MMP10: variants seen among roughly 807,000 people sequenced by gnomAD.
The protein encoded by MMP10 is matrix metallopeptidase 10.
Under a neutral mutation model 49.1 loss-of-function variants are expected in MMP10, and 50 were observed. That is an observed-to-expected ratio of 1.02 (90% CI 0.81 to 1.29). The LOEUF is 1.29. Ranked by LOEUF, MMP10 falls within the 50% of genes most tolerant of loss-of-function variation. The pLI is 0.00. For missense variants in MMP10, 613 were observed against 563.8 expected (o/e 1.09, Z -0.88); for synonymous variants, 229 against 201.6 (o/e 1.14, Z -1.15).
chr11:102,772,873 G>T lies in MMP10; in HGVS notation c.1200C>A (p.Tyr400Ter), dbSNP rs147267769. The change falls in exon 8 of 10, where the codon TAC (tyrosine) becomes TAA (stop). Residue 400 changes from tyrosine to a stop codon, truncating the protein, a stop_gained. Transcript: ENST00000279441. LOFTEE classifies it high-confidence loss of function. The surrounding 1 kb of genome is among the most constrained non-coding windows in gnomAD (Gnocchi z 4.4). Reference sequence around the variant, plus strand: ...TCCAGTATTTGTCCGCTGCAAAGAAGTATGTTTTCTTCTTTTCCTTGTCAG... The same window carrying T: ...TCCAGTATTTGTCCGCTGCAAAGAATTATGTTTTCTTCTTTTCCTTGTCAG... ...AVSDKEKKKT[Y>*]FFAADKYWRF... 3.7e-3 allele frequency: 6,045 copies of T among 1,613,068 alleles called. 12 individuals carry two copies. Among genetic ancestry groups the T allele is most frequent in the Non-Finnish European group, 4.8e-3 (5,640 of 1,179,584 alleles).
At chr11:102,773,103 A>G (rs1239561946) in intron 7 of MMP10, 97 bp from the exon 8 acceptor site, 1 of 1,141,224 alleles carries the variant, frequency 8.8e-7, no homozygotes, top group Non-Finnish European at 1.2e-6. Context: ...GCTTGGTTTT[A>G]ATTCCAACCT....
rs146464600 is a variant in MMP10, at chr11:102,771,867, T to C, written c.1330+145A>G. The C allele has an allele frequency of 4.7e-6, 3 of 643,756 alleles. No individual in the cohort carries two copies. In the East Asian group the frequency reaches 8.4e-5, roughly 18 times the overall value. The allele number at this position is 643,756 out of a possible 1,614,324, so 39.9% of individuals were successfully genotyped here. Reference sequence around the variant, plus strand: ...CAAATTTAAACCCACTTTGCATAAATTGGAAAGTTAAGATTTTCAGGAATT... The same window carrying C: ...CAAATTTAAACCCACTTTGCATAAACTGGAAAGTTAAGATTTTCAGGAATT... On this transcript the variant is annotated intron_variant, in intron 9 of 9. Transcript: ENST00000279441.
chr11:102,776,589 C>T (rs1857741757), intron 5 of MMP10, 23 bp downstream of exon 5: 1 of 1,601,762 alleles, frequency 6.2e-7, no homozygotes, highest in East Asian at 2.2e-5. Flanking sequence ...TCTGCAATGC[C>T]TAATTTTTCC....
At position 102,780,601 on chromosome 11, in the gene MMP10, C is replaced by G. The variant is rs763299891; in HGVS notation, c.-10G>C. 13 of 1,612,012 alleles carry G rather than the reference C, an allele frequency of 8.1e-6. No homozygotes were observed. The Admixed American group carries it at 2.0e-4, about 25-fold the overall frequency. On this transcript the variant is annotated 5_prime_UTR_variant, in exon 1 of 10. Coordinates refer to ENST00000279441, the MANE Select transcript of MMP10 (RefSeq NM_002425.3). Reference sequence around the variant, plus strand: ...ATGCAAGATGCATCATTCTCACTGCCCTTACCTTCTTTGTCTACTGGGCTT... The same window carrying G: ...ATGCAAGATGCATCATTCTCACTGCGCTTACCTTCTTTGTCTACTGGGCTT...
chr11:102,779,591 C>T lies in MMP10; in HGVS notation c.260G>A (p.Arg87His), dbSNP rs780475167. The change falls in exon 2 of 10, where the codon CGC (arginine) becomes CAC (histidine). Residue 87 changes from arginine (R) to histidine (H), a missense_variant. Arg to His is a conservative substitution (Grantham distance 29, BLOSUM62 0). Transcript: ENST00000279441. ...GTCAGGAACTCCACACCTGGGCTTG[C>T]GCATCACCTCCAGAGTGTCAGTGTC... ...KLDTDTLEVMRKPRCGVPDVG... is the reference protein window; with the variant it reads ...KLDTDTLEVMHKPRCGVPDVG... The T allele has an allele frequency of 1.9e-5, 30 of 1,613,946 alleles. No homozygotes were observed. Among genetic ancestry groups the T allele is most frequent in the African/African-American group, 6.7e-5 (5 of 74,908 alleles).
At chr11:102,776,513 C>T in intron 5 of MMP10, 89 bp from the exon 6 acceptor site, 1 of 1,577,868 alleles carries the variant, frequency 6.3e-7, no homozygotes, top group Non-Finnish European at 8.6e-7. Flanking sequence ...TCTCAAAGTG[C>T]TTCAGGCCAA....
In MMP10 at chr11:102,775,221, C is replaced by G; in HGVS notation, c.1033G>C (p.Val345Leu). The change falls in exon 7 of 10, where the codon GTT becomes CTT. Residue 345 changes from valine (V) to leucine (L), a missense_variant. Coordinates refer to ENST00000279441, the MANE Select transcript of MMP10 (RefSeq NM_002425.3). ...ATAAAAACGGTGTCCCTGCTGTTAA[C>G]TTCATATGCAGCATCCAAATATGAT... ...LPSYLDAAYE[V>L]NSRDTVFIFK... The G allele has an allele frequency of 1.2e-6, 2 of 1,607,070 alleles. No homozygotes were observed. Among genetic ancestry groups the G allele is most frequent in the Non-Finnish European group, 1.7e-6 (2 of 1,176,322 alleles).
chr11:102,775,049 C>A, intron 7 of MMP10, 139 bp downstream of exon 7: 1 of 591,388 alleles, frequency 1.7e-6, no homozygotes, highest in Non-Finnish European at 2.6e-6. Context: ...TTATAATGTT[C>A]TTTGTACAAA....
Position 102,776,648 on chromosome 11 carries a change from A to T in MMP10, c.751T>A (p.Ser251Thr), listed in dbSNP as rs1048770539. ...TGAATGCCATTCACATCATCTTGCG[A>T]AAGGCGGAACTGGGCGAGCTCTGTG... ...SFTELAQFRL[S>T]QDDVNGIQSL... is the part of the protein sequence containing the mutation. Residue 251 changes from serine (S) to threonine (T), a missense_variant, in exon 5 of 10, where the codon TCG becomes ACG. Coordinates refer to ENST00000279441, the MANE Select transcript of MMP10 (RefSeq NM_002425.3). 1.2e-6 allele frequency: 2 copies of T among 1,613,572 alleles called. No individual in the cohort carries two copies. The highest frequency in any genetic ancestry group is 1.7e-6 in the Non-Finnish European group (2 of 1,179,880).
rs752882104 is a variant in MMP10, at chr11:102,776,794, A to G, written c.623-18T>C. ...ATTGGTGCCTGTATGAAAATCATAA[A>G]TGTTCAGAATTCACCAGCTCTTTCT... On this transcript the variant is annotated intron_variant, in intron 4 of 9. Coordinates refer to ENST00000279441, the MANE Select transcript of MMP10 (RefSeq NM_002425.3). 12 of 1,613,738 alleles carry G rather than the reference A, an allele frequency of 7.4e-6. No homozygotes were observed. Among genetic ancestry groups the G allele is most frequent in the Non-Finnish European group, 1.0e-5 (12 of 1,179,850 alleles).
rs1176456277 is a variant in MMP10, at chr11:102,772,657, G to A, written c.1226+190C>T. Among the ~76,000 whole-genome samples the A allele has an allele frequency of 6.6e-6, 1 of 152,132 alleles. No individual in the cohort carries two copies. Reference sequence around the variant, plus strand: ...GATGTCTTTTAGTGTCTGAGTATATGGCCCAGTGATCACCATTCTGAGAGG... The same window carrying A: ...GATGTCTTTTAGTGTCTGAGTATATAGCCCAGTGATCACCATTCTGAGAGG... On this transcript the variant is annotated intron_variant, in intron 8 of 9. Coordinates refer to ENST00000279441, the MANE Select transcript of MMP10 (RefSeq NM_002425.3). The surrounding 1 kb of genome is among the most constrained non-coding windows in gnomAD (Gnocchi z 4.4).
intron 1 of MMP10, 26 bp downstream of exon 1, chr11:102,780,461 C>G (rs754414057): frequency 5.0e-6 from 8 of 1,599,216 alleles, no homozygotes; most frequent in Non-Finnish European, 6.9e-6. Flanking sequence ...TGGCCAGTAG[C>G]TGCAATAGAT....
chr11:102,770,635 C>A lies in MMP10; in HGVS notation c.*158G>T. 2.0e-6 allele frequency: 1 copy of A among 506,902 alleles called. No homozygotes were observed. Among genetic ancestry groups the A allele is most frequent in the Non-Finnish European group, 3.4e-6 (1 of 289,876 alleles). The allele number at this position is 506,902 out of a possible 1,614,324, so 31.4% of individuals were successfully genotyped here. ...CAATTCAAAAGCAAGTGAAGAATTC[C>A]AGAAACATTCTTCATGACACATGCA... On this transcript the variant is annotated 3_prime_UTR_variant, in exon 10 of 10. Coordinates refer to ENST00000279441, the MANE Select transcript of MMP10 (RefSeq NM_002425.3).
chr11:102,770,940 A>AT (rs1202154099), intron 9 of MMP10, 47 bp from the exon 10 acceptor site: 1 of 1,223,756 alleles, frequency 8.2e-7, no homozygotes, highest in Non-Finnish European at 1.2e-6. Flanking sequence ...CAAATATGTC[A>AT]TTTTGCAACA....
At chr11:102,778,833 G>A in intron 3 of MMP10, 84 bp from the exon 4 acceptor site, 2 of 1,507,038 alleles carry the variant, frequency 1.3e-6, no homozygotes, top group Admixed American at 1.9e-5. Context: ...AGATTCTATA[G>A]TCTGAATGTT....
At chr11:102,779,793 T>G (rs1464388176) in intron 1 of MMP10, 48 bp from the exon 2 acceptor site, 2 of 1,571,468 alleles carry the variant, frequency 1.3e-6, no homozygotes, top group Non-Finnish European at 1.7e-6. Context: ...TTTCCATCAT[T>G]TATCCAACTT....
Position 102,772,055 on chromosome 11 carries a change from A to G in MMP10, c.1287T>C (p.Phe429=). 1.2e-6 allele frequency: 2 copies of G among 1,613,804 alleles called. No homozygotes were observed. Among genetic ancestry groups the G allele is most frequent in the Non-Finnish European group, 8.5e-7 (1 of 1,179,754 alleles). Residue 429 remains phenylalanine, a synonymous_variant, in exon 9 of 10, where the codon TTT becomes TTC. Transcript: ENST00000279441. This position sits in a 1 kb window ranked among gnomAD's most constrained non-coding sequence, Gnocchi z 4.4. ...QGFPRLIADD[F]PGVEPKVDAV... ...CATCAACCTTAGGCTCAACTCCTGG[A>G]AAGTCATCAGCTATTAGTCTAGGGA... is the stretch of plus-strand genomic sequence containing the variant.
chr11:102,780,623 G>C lies in MMP10; in HGVS notation c.-32C>G. The stretch of plus-strand genomic sequence containing the variant: ...TGCCCTTACCTTCTTTGTCTACTGG[G>C]CTTCTAGCTCTACCCCCTAGTGGCC... On this transcript the variant is annotated 5_prime_UTR_variant, in exon 1 of 10. Transcript: ENST00000279441. 6.3e-7 allele frequency: 1 copy of C among 1,590,704 alleles called. No homozygotes were observed. Among genetic ancestry groups the C allele is most frequent in the South Asian group, 1.1e-5 (1 of 89,250 alleles).
intron 9 of MMP10, among the ~76,000 whole-genome samples, chr11:102,771,685 G>A (rs1361419990): frequency 6.6e-6 from 1 of 152,134 alleles, no homozygotes; most frequent in East Asian, 1.9e-4. Context: ...CCATCAGTAA[G>A]CCTGGCTCAC....
Sources: allele counts gnomAD v4.1 joint callset (sites outside exome capture counted in the v4.1 genomes callset), GRCh38; gene constraint gnomAD v4.1.1; non-coding constraint Gnocchi (gnomAD v3.1); transcripts MANE v1.5; gene names NCBI Gene and HGNC (gene_info 2026-07-23, HGNC 2026-07-21).